The following SH3GLB1 variants were observed in gnomAD, a reference collection of about 807,000 sequenced individuals.
SH3GLB1 encodes the protein endophilin-B1.
SH3GLB1 carries 17 observed loss-of-function variants against 42.0 expected under a neutral mutation model. That is an observed-to-expected ratio of 0.40 (90% CI 0.28 to 0.61). The LOEUF (loss-of-function observed/expected upper bound fraction) is 0.61. Among genes scored for constraint, SH3GLB1 ranks in the 20% least tolerant of loss-of-function variants. The pLI is 0.36. For synonymous variants in SH3GLB1, 132 were observed against 146.6 expected, an observed-to-expected ratio of 0.90 and a Z score of 0.72; for missense variants, 355 against 426.3, an observed-to-expected ratio of 0.83 and a Z score of 1.47.
intron 3 of SH3GLB1, among the ~76,000 whole-genome samples, chr1:86,719,998 A>G (rs1654777645): frequency 6.7e-6 from 1 of 150,220 alleles, no homozygotes; most frequent in African/African-American, 2.4e-5. Flanking sequence ...TCTGTCTCAA[A>G]AAAAAAAAAA....
chr1:86,704,905 T>C lies in SH3GLB1; in HGVS notation c.6T>C (p.Asn2=). The C allele has an allele frequency of 6.3e-7, 1 of 1,581,038 alleles. No individual in the cohort carries two copies. Among genetic ancestry groups the C allele is most frequent in the Middle Eastern group, 1.7e-4 (1 of 5,964 alleles). Residue 2 remains asparagine (N), a synonymous_variant, in exon 1 of 9, where the codon AAT becomes AAC. Coordinates refer to ENST00000370558, the MANE Select transcript of SH3GLB1 (RefSeq NM_016009.5). The part of the protein sequence containing the change: M[N]IMDFNVKKLA... ...CCGCCCGGCTGCCGCCTAGGATGAATATCATGGACTTCAACGTGAAGAAGC... is the reference window on the plus strand; with the variant it reads ...CCGCCCGGCTGCCGCCTAGGATGAACATCATGGACTTCAACGTGAAGAAGC...
At position 86,726,772 on chromosome 1, in the gene SH3GLB1, A is replaced by G. The variant is rs891115484; in HGVS notation, c.570+2367A>G. ...AAAAGTTCTCTTAGTTTATTATTAC[A>G]TAAAGCCTGGAGGTATTCCTGTATT... On this transcript the variant is annotated intron_variant, in intron 5 of 8. Transcript: ENST00000370558. Among the ~76,000 whole-genome samples the G allele has an allele frequency of 2.0e-5, 3 of 152,136 alleles. 1 individual carries two copies.
intron 8 of SH3GLB1, among the ~76,000 whole-genome samples, chr1:86,742,834 G>A (rs557981252): frequency 7.9e-5 from 12 of 152,046 alleles, no homozygotes; most frequent in Non-Finnish European, 1.0e-4. Flanking sequence ...GGTGGTGTGC[G>A]CCTGTAGTCC....
chr1:86,727,866 A>T (rs1655279162), intron 5 of SH3GLB1, among the ~76,000 whole-genome samples: 1 of 152,056 alleles, frequency 6.6e-6, no homozygotes, highest in African/African-American at 2.4e-5. Context: ...GTAAATCTTT[A>T]ATCTGTAAAC....
In SH3GLB1 at chr1:86,735,092, G is replaced by A. The variant is rs756276751; in HGVS notation, c.674G>A (p.Arg225His). Reference sequence around the variant, plus strand: ...TTTCCTTCACAGGCCCATCACCTTCGCTGTCTGAATGACTTTGTAGAAGCC... The same window carrying A: ...TTTCCTTCACAGGCCCATCACCTTCACTGTCTGAATGACTTTGTAGAAGCC... ...GISSTHAHHLRCLNDFVEAQM... is the reference protein window; with the variant it reads ...GISSTHAHHLHCLNDFVEAQM... The change falls in exon 7 of 9, where the codon CGC (arginine) becomes CAC (histidine). Residue 225 changes from arginine to histidine, a missense_variant. Coordinates refer to ENST00000370558, the MANE Select transcript of SH3GLB1 (RefSeq NM_016009.5). 8.7e-6 allele frequency: 14 copies of A among 1,612,476 alleles called. No individual in the cohort carries two copies. Among genetic ancestry groups the A allele is most frequent in the East Asian group, 2.2e-5 (1 of 44,814 alleles).
intron 5 of SH3GLB1, chr1:86,728,596 T>A: frequency 1.8e-6 from 1 of 561,128 alleles, no homozygotes; most frequent in Non-Finnish European, 3.0e-6. Context: ...CATTTATCTT[T>A]AACAACAAAA....
intron 5 of SH3GLB1, among the ~76,000 whole-genome samples, chr1:86,730,722 G>A (rs968085814): frequency 6.6e-6 from 1 of 151,982 alleles, no homozygotes. Context: ...GGCTGGTCTC[G>A]AACTCCTGAA....
chr1:86,731,670 A>G (rs1466128039), intron 5 of SH3GLB1, among the ~76,000 whole-genome samples: 1 of 152,234 alleles, frequency 6.6e-6, no homozygotes, highest in Non-Finnish European at 1.5e-5. Context: ...ATACATGGGA[A>G]GAAACTCATG....
chr1:86,732,644 A>G (rs1044551924), intron 5 of SH3GLB1, among the ~76,000 whole-genome samples: 5 of 152,150 alleles, frequency 3.3e-5, no homozygotes, highest in Non-Finnish European at 7.4e-5. Flanking sequence ...GGACCTCCTA[A>G]GCTTTGTAAC....
rs1469863520 is a variant in SH3GLB1 at position 86,704,603 on chromosome 1, C to T, written c.-297C>T. The T allele has an allele frequency of 1.1e-5, 3 of 281,206 alleles. No homozygotes were observed. Among genetic ancestry groups the T allele is most frequent in the Non-Finnish European group, 6.8e-6 (1 of 147,110 alleles). 17.4% of individuals were successfully genotyped at this position (281,206 alleles called of 1,614,324 possible). ...TTTTCCCTTGGGACCCGGGTCCACA[C>T]GGCGGGGTCGCCCGTCCATCTCCGG... On this transcript the variant is annotated 5_prime_UTR_variant, in exon 1 of 9. The change creates a new upstream start codon in the 5' untranslated region. Transcript: ENST00000370558.
chr1:86,732,323 A>C (rs746886781), intron 5 of SH3GLB1, among the ~76,000 whole-genome samples: 1 of 152,222 alleles, frequency 6.6e-6, no homozygotes, highest in South Asian at 2.1e-4. Context: ...CATGTAGTCT[A>C]GTAGCAGTTA....
intron 7 of SH3GLB1, among the ~76,000 whole-genome samples, chr1:86,735,560 A>G (rs868541244): frequency 1.4e-4 from 21 of 152,352 alleles, no homozygotes; most frequent in Non-Finnish European, 1.6e-4. Context: ...CTATATTGAA[A>G]AAAAGTTTTA....
intron 3 of SH3GLB1, among the ~76,000 whole-genome samples, chr1:86,721,794 T>C (rs953006328): frequency 2.6e-5 from 4 of 152,086 alleles, no homozygotes; most frequent in African/African-American, 4.8e-5. Context: ...CCATGGGGGA[T>C]TGGATCCAGG....
At chr1:86,731,828 C>T (rs1013278818) in intron 5 of SH3GLB1, among the ~76,000 whole-genome samples, 12 of 151,844 alleles carry the variant, frequency 7.9e-5, no homozygotes, top group African/African-American at 2.7e-4. Flanking sequence ...ACCTGTAATC[C>T]CAGCACTTTG....
chr1:86,730,797 C>T (rs1335522439), intron 5 of SH3GLB1, among the ~76,000 whole-genome samples: 1 of 152,106 alleles, frequency 6.6e-6, no homozygotes, highest in Non-Finnish European at 1.5e-5. Context: ...CCACCGTACC[C>T]GGCCACAGAT....
Position 86,733,876 on chromosome 1 carries a change from CT to C in SH3GLB1, c.571-716del, listed in dbSNP as rs555074435. Among the ~76,000 whole-genome samples, 274 of 148,652 alleles carry C rather than the reference CT, an allele frequency of 1.8e-3. 1 individual carries two copies. The highest frequency in any genetic ancestry group is 2.7e-3 in the Non-Finnish European group (179 of 66,898). ...TATCATGAAAATCTGGATATGAGAG[CT>C]TTTTTTTTTATTTCTTGGGGAAGAA... On this transcript the variant is annotated intron_variant, in intron 5 of 8. Coordinates refer to ENST00000370558, the MANE Select transcript of SH3GLB1 (RefSeq NM_016009.5).
chr1:86,707,440 T>C (rs1175577104), intron 1 of SH3GLB1, among the ~76,000 whole-genome samples: 3 of 152,154 alleles, frequency 2.0e-5, no homozygotes, highest in Non-Finnish European at 2.9e-5. Flanking sequence ...TTCCAAATTA[T>C]CCAGTATTGG....
intron 2 of SH3GLB1, 134 bp downstream of exon 2, chr1:86,715,999 G>A (rs1212341980): frequency 3.6e-6 from 3 of 829,930 alleles, no homozygotes; most frequent in African/African-American, 3.5e-5. Context: ...GTTTTTTTGT[G>A]TGTGCTTTTG....
chr1:86,736,238 C>T (rs1184211554), intron 7 of SH3GLB1, among the ~76,000 whole-genome samples: 2 of 152,012 alleles, frequency 1.3e-5, no homozygotes, highest in Admixed American at 6.6e-5. Flanking sequence ...ATTGAGGAAC[C>T]ATTAAAGCAG....
Sources: gnomAD v4.1 joint callset for allele counts (sites outside exome capture counted in the v4.1 genomes callset) on GRCh38, gnomAD v4.1.1 for gene constraint, MANE v1.5 for transcripts, NCBI Gene and HGNC (gene_info 2026-07-23, HGNC 2026-07-21) for gene names.